NALF1: variants seen among roughly 807,000 people sequenced by gnomAD.
NALF1 encodes NALCN channel auxiliary factor 1.
In NALF1, 3 loss-of-function variants were observed where a neutral mutation model predicts 48.4. The observed-to-expected ratio is 0.06, with a 90% CI of 0.03 to 0.16. NALF1 has a LOEUF of 0.16. NALF1 is among the 10% of genes least tolerant of loss of function. The probability of loss-of-function intolerance (pLI) is 1.00; values close to 1 mark genes in which losing one functional copy is unlikely to be tolerated. For synonymous variants in NALF1, 262 were observed against 245.7 expected (o/e 1.07, Z -0.62); for missense variants, 526 against 571.5 (o/e 0.92, Z 0.81).
In NALF1 at chr13:107,276,833, A is replaced by G. The variant is rs184500273; in HGVS notation, c.916-66078T>C. Among the ~76,000 whole-genome samples the G allele has an allele frequency of 9.9e-5, 15 of 152,256 alleles. No individual in the cohort carries two copies. In the East Asian group the frequency reaches 2.5e-3, roughly 25 times the overall value. ...AATTTAAAAACATTCTATAGTTGGA[A>G]AGCCATATTTTTAACTTAGCTAATA... On this transcript the variant is annotated intron_variant, in intron 1 of 2. Transcript: ENST00000375915.
At chr13:107,749,594 A>C (rs940516016) in intron 1 of NALF1, among the ~76,000 whole-genome samples, 1 of 151,880 alleles carries the variant, frequency 6.6e-6, no homozygotes, top group African/African-American at 2.4e-5. Flanking sequence ...TATACTATGT[A>C]GTATATATAA....
chr13:107,286,355 C>T (rs1262074525), intron 1 of NALF1, among the ~76,000 whole-genome samples: 3 of 151,958 alleles, frequency 2.0e-5, no homozygotes, highest in African/African-American at 7.3e-5. Context: ...GGACATAGAC[C>T]TGGTACAGTG....
intron 1 of NALF1, among the ~76,000 whole-genome samples, chr13:107,863,791 G>A (rs1880640005): frequency 1.3e-5 from 2 of 152,116 alleles, no homozygotes; most frequent in South Asian, 4.1e-4. Context: ...TTTAGGTTAA[G>A]GGGAAAGAAA....
intron 1 of NALF1, among the ~76,000 whole-genome samples, chr13:107,434,404 AG>A (rs1884431463): frequency 6.6e-6 from 1 of 152,192 alleles, no homozygotes; most frequent in African/African-American, 2.4e-5. Flanking sequence ...GAATAGGTGT[AG>A]TTTACACTAA....
rs1332580405 is a variant in NALF1, at chr13:107,293,407, C to T, written c.916-82652G>A. 4.6e-5 allele frequency among the ~76,000 whole-genome samples: 7 copies of T among 152,174 alleles called. No homozygotes were observed. The East Asian group carries it at 1.4e-3, about 29-fold the overall frequency. On this transcript the variant is annotated intron_variant, in intron 1 of 2. Coordinates refer to ENST00000375915, the MANE Select transcript of NALF1 (RefSeq NM_001080396.3). ...TCATTTTGGTATTTTTTAGACCTTT[C>T]CCTGGAAATAGAAAATGCTATGCTA...
rs996192378 is a variant in NALF1, at chr13:107,783,272, C to G, written c.915+82410G>C. ...CAGCCCCCCGCCCGGCCAGTCGCCC[C>G]GTCCGGGAGGTGAGGGGCGCCTCTG... On this transcript the variant is annotated intron_variant, in intron 1 of 2. Transcript: ENST00000375915. Among the ~76,000 whole-genome samples, 48 of 144,484 alleles carry G rather than the reference C, an allele frequency of 3.3e-4. 7 individuals are homozygous for G. Among genetic ancestry groups the G allele is most frequent in the Admixed American group, 1.6e-3 (23 of 14,508 alleles). 94.8% of individuals were successfully genotyped at this position (144,484 alleles called of 152,430 possible). A position where few individuals can be genotyped will look rare whatever the true frequency, so the allele number is the denominator to read the frequency against.
intron 1 of NALF1, among the ~76,000 whole-genome samples, chr13:107,246,803 A>G (rs1337131782): frequency 6.6e-6 from 1 of 152,140 alleles, no homozygotes; most frequent in Non-Finnish European, 1.5e-5. Flanking sequence ...CATCATACTT[A>G]TGTTTGGACA....
rs1195360962 is a variant in NALF1 at position 107,167,978 on chromosome 13, AGT to A, written c.*2517_*2518del. 1 of 152,210 alleles carries A rather than the reference AGT, an allele frequency of 6.6e-6. No homozygotes were observed. The highest frequency in any genetic ancestry group is 1.5e-5 in the Non-Finnish European group (1 of 68,042). The allele number at this position is 152,210 out of a possible 1,614,324, so 9.4% of individuals were successfully genotyped here. A position where few individuals can be genotyped will look rare whatever the true frequency, so the allele number is the denominator to read the frequency against. On this transcript the variant is annotated 3_prime_UTR_variant, in exon 3 of 3. Transcript: ENST00000375915. ...AATACTGCTTTTCGTCATTTTGCTA[AGT>A]GTTTAGAAAGAATAATTTATTGTCA...
At chr13:107,322,154 T>A (rs1882269349) in intron 1 of NALF1, among the ~76,000 whole-genome samples, 1 of 152,178 alleles carries the variant, frequency 6.6e-6, no homozygotes, top group South Asian at 2.1e-4. Context: ...CCAACCTTCT[T>A]TTGTATATGC....
chr13:107,509,056 T>C (rs1157825), intron 1 of NALF1, among the ~76,000 whole-genome samples: 1 of 152,152 alleles, frequency 6.6e-6, no homozygotes, highest in African/African-American at 2.4e-5. Flanking sequence ...AAATTTGAGA[T>C]GTATATATGC....
intron 1 of NALF1, among the ~76,000 whole-genome samples, chr13:107,847,362 A>C (rs1349277750): frequency 6.6e-6 from 1 of 152,244 alleles, no homozygotes; most frequent in African/African-American, 2.4e-5. Flanking sequence ...ACGGATGTGC[A>C]AACAGTCTTT....
At chr13:107,687,516 A>ACACG (rs1479894571) in intron 1 of NALF1, among the ~76,000 whole-genome samples, 1 of 151,116 alleles carries the variant, frequency 6.6e-6, no homozygotes, top group Non-Finnish European at 1.5e-5. Flanking sequence ...ACACACACAC[A>ACACG]CACATCACCT....
chr13:107,395,054 A>G (rs1883689235), intron 1 of NALF1, among the ~76,000 whole-genome samples: 1 of 152,304 alleles, frequency 6.6e-6, no homozygotes, highest in Non-Finnish European at 1.5e-5. Context: ...TATAAGGCAT[A>G]GTCCCCTTGC....
At chr13:107,675,163 C>T (rs1014389951) in intron 1 of NALF1, among the ~76,000 whole-genome samples, 2 of 152,152 alleles carry the variant, frequency 1.3e-5, no homozygotes, top group Admixed American at 1.3e-4. Context: ...TTTCACTTCC[C>T]AAAGGAAACT....
intron 1 of NALF1, among the ~76,000 whole-genome samples, chr13:107,349,898 C>T (rs201709400): frequency 1.5e-4 from 23 of 152,106 alleles, no homozygotes; most frequent in East Asian, 1.4e-3. Flanking sequence ...CACCAGGAAC[C>T]GACTTCATGG....
intron 1 of NALF1, among the ~76,000 whole-genome samples, chr13:107,389,182 C>T (rs1446320399): frequency 1.3e-5 from 2 of 152,250 alleles, no homozygotes; most frequent in East Asian, 1.9e-4. Flanking sequence ...CAGTAGCCAA[C>T]GGCTCACTTC....
chr13:107,699,661 C>T (rs1273743747), intron 1 of NALF1, among the ~76,000 whole-genome samples: 1 of 152,022 alleles, frequency 6.6e-6, no homozygotes, highest in Non-Finnish European at 1.5e-5. Context: ...ACTGGAAGTA[C>T]TAGCAAAAGC....
intron 1 of NALF1, among the ~76,000 whole-genome samples, chr13:107,658,566 G>A (rs952539452): frequency 3.4e-4 from 51 of 152,132 alleles, no homozygotes; most frequent in African/African-American, 1.2e-3. Context: ...CTCAATCTCT[G>A]TGATTTCTAA....
At chr13:107,804,480 A>C (rs1422128611) in intron 1 of NALF1, among the ~76,000 whole-genome samples, 1 of 148,352 alleles carries the variant, frequency 6.7e-6, no homozygotes. Flanking sequence ...TCATACCCTC[A>C]CTCTAGCTCC....
Sources: gnomAD v4.1 joint callset for allele counts (sites outside exome capture counted in the v4.1 genomes callset) on GRCh38, gnomAD v4.1.1 for gene constraint, MANE v1.5 for transcripts, NCBI Gene and HGNC (gene_info 2026-07-23, HGNC 2026-07-21) for gene names.